Variants in FAT3 observed in about 807,000 individuals in gnomAD.
The protein encoded by FAT3 is FAT atypical cadherin 3.
Under a neutral mutation model 310.2 loss-of-function variants are expected in FAT3, and 95 were observed. That is an observed-to-expected ratio of 0.31 (90% CI 0.26 to 0.36). The LOEUF (loss-of-function observed/expected upper bound fraction) is 0.36, where lower values mean the gene tolerates loss of function less well. Among genes scored for constraint, FAT3 ranks in the 10% least tolerant of loss-of-function variants. The pLI, the probability that FAT3 is intolerant of heterozygous loss-of-function variation, is 1.00. For missense variants in FAT3, 5,408 were observed against 5,715.6 expected (o/e 0.95, Z 1.74); for synonymous variants, 2,314 against 2,192.9 (o/e 1.06, Z -1.54).
At chr11:92,449,139 C>T (rs1038376834) in intron 2 of FAT3, among the ~76,000 whole-genome samples, 3 of 152,088 alleles carry the variant, frequency 2.0e-5, no homozygotes, top group Non-Finnish European at 2.9e-5. Context: ...CTGAGGAGCC[C>T]GAGCAATGCC....
intron 1 of FAT3, among the ~76,000 whole-genome samples, chr11:92,231,634 G>A (rs1323245934): frequency 1.3e-5 from 2 of 152,126 alleles, no homozygotes; most frequent in Non-Finnish European, 2.9e-5. Context: ...GTCAAAAAGT[G>A]AGCACTCTGG....
chr11:92,646,535 A>G (rs947880470), intron 3 of FAT3, among the ~76,000 whole-genome samples: 7 of 152,216 alleles, frequency 4.6e-5, no homozygotes, highest in African/African-American at 1.7e-4. Context: ...CATACCAGCT[A>G]GTTGAAGGGA....
At chr11:92,337,009 G>A (rs1275360886) in intron 1 of FAT3, among the ~76,000 whole-genome samples, 1 of 152,160 alleles carries the variant, frequency 6.6e-6, no homozygotes, top group African/African-American at 2.4e-5. Flanking sequence ...GCCCTCAGAA[G>A]CATTGTTTTA....
At chr11:92,469,609 G>T (rs1256937222) in intron 2 of FAT3, among the ~76,000 whole-genome samples, 1 of 151,916 alleles carries the variant, frequency 6.6e-6, no homozygotes, top group Non-Finnish European at 1.5e-5. Flanking sequence ...CAGTCTCCTG[G>T]GTTCAAATGA....
At chr11:92,371,715 C>T (rs988836651) in intron 2 of FAT3, among the ~76,000 whole-genome samples, 4 of 152,036 alleles carry the variant, frequency 2.6e-5, no homozygotes, top group African/African-American at 9.7e-5. Flanking sequence ...GGACTCTGTA[C>T]ACCCCTCCCT....
chr11:92,832,050 G>C, intron 14 of FAT3, 39 bp downstream of exon 14: 1 of 1,494,198 alleles, frequency 6.7e-7, no homozygotes, highest in Non-Finnish European at 8.9e-7. Context: ...CAGAGCTTCA[G>C]CTTGGCACGG....
chr11:92,277,011 T>C (rs1946291780), intron 1 of FAT3, among the ~76,000 whole-genome samples: 1 of 152,110 alleles, frequency 6.6e-6, no homozygotes, highest in Admixed American at 6.6e-5. Context: ...AGCTGTAGCT[T>C]ATTTTTTAGT....
Position 92,317,113 on chromosome 11 carries a change from TG to T in FAT3, c.-17-34982del, listed in dbSNP as rs1474130983. 2.6e-5 allele frequency among the ~76,000 whole-genome samples: 4 copies of T among 152,292 alleles called. No homozygotes were observed. In the East Asian group the frequency reaches 7.7e-4, roughly 29 times the overall value. On this transcript the variant is annotated intron_variant, in intron 1 of 27. Transcript: ENST00000525166. ...AGGCAAGAATTATTTTGAGTGCAGC[TG>T]TCAGAATTAAAAATAAAGGAAAGAC...
chr11:92,433,280 ATG>A (rs922919017), intron 2 of FAT3, among the ~76,000 whole-genome samples: 1 of 152,054 alleles, frequency 6.6e-6, no homozygotes, highest in African/African-American at 2.4e-5. Flanking sequence ...CCACTGGGGT[ATG>A]AAAAAAAACT....
chr11:92,449,034 G>A (rs1479265855), intron 2 of FAT3, among the ~76,000 whole-genome samples: 2 of 152,206 alleles, frequency 1.3e-5, no homozygotes, highest in Middle Eastern at 3.4e-3. Flanking sequence ...CCAACATTTA[G>A]TGAAATCTCA....
chr11:92,338,657 CTGGGGTCTTGAT>C (rs1270276877), intron 1 of FAT3, among the ~76,000 whole-genome samples: 2 of 152,072 alleles, frequency 1.3e-5, no homozygotes, highest in African/African-American at 4.8e-5. Context: ...GATTAGTCTT[CTGGGGTCTTGAT>C]TTTGTTGGCA....
intron 3 of FAT3, among the ~76,000 whole-genome samples, chr11:92,610,654 G>A (rs1250943001): frequency 2.0e-5 from 3 of 152,102 alleles, no homozygotes; most frequent in Non-Finnish European, 2.9e-5. Context: ...ATCAGCTTGG[G>A]TTCCTTTTTA....
chr11:92,745,706 G>A (rs1281068127), intron 4 of FAT3, among the ~76,000 whole-genome samples: 3 of 152,136 alleles, frequency 2.0e-5, no homozygotes, highest in Non-Finnish European at 2.9e-5. Context: ...AATTGGTCAA[G>A]GATCTTTCTG....
chr11:92,522,118 C>T (rs1408217842), intron 2 of FAT3, among the ~76,000 whole-genome samples: 2 of 152,126 alleles, frequency 1.3e-5, no homozygotes, highest in African/African-American at 4.8e-5. Flanking sequence ...GACTGCAGAA[C>T]ATTTATTTTG....
chr11:92,667,560 GTCAAGA>G, intron 3 of FAT3, among the ~76,000 whole-genome samples: 1 of 152,212 alleles, frequency 6.6e-6, no homozygotes, highest in Non-Finnish European at 1.5e-5. Flanking sequence ...AGTGCTGACA[GTCAAGA>G]TCTTATTGAA....
At chr11:92,866,686 G>T in intron 21 of FAT3, 55 bp from the exon 22 acceptor site, 1 of 1,517,836 alleles carries the variant, frequency 6.6e-7, no homozygotes. Flanking sequence ...AGGGTGTAGG[G>T]AACATATTCC....
At chr11:92,652,395 T>A (rs1460618735) in intron 3 of FAT3, among the ~76,000 whole-genome samples, 2 of 152,264 alleles carry the variant, frequency 1.3e-5, no homozygotes, top group Non-Finnish European at 2.9e-5. Context: ...ACTGTTCTTT[T>A]AAGGCCATAA....
At chr11:92,227,421 T>C (rs573844611) in intron 1 of FAT3, among the ~76,000 whole-genome samples, 6 of 152,258 alleles carry the variant, frequency 3.9e-5, no homozygotes, top group Non-Finnish European at 8.8e-5. Context: ...CCAGAAAGAC[T>C]GCAGACGACT....
At chr11:92,868,146 G>A (rs7110126) in intron 22 of FAT3, among the ~76,000 whole-genome samples, 2 of 152,164 alleles carry the variant, frequency 1.3e-5, no homozygotes, top group Non-Finnish European at 1.5e-5. Flanking sequence ...GTGTCATTAG[G>A]AAATTTAAAC....
Sources: allele counts gnomAD v4.1 joint callset (sites outside exome capture counted in the v4.1 genomes callset), GRCh38; gene constraint gnomAD v4.1.1; transcripts MANE v1.5; gene names NCBI Gene and HGNC (gene_info 2026-07-23, HGNC 2026-07-21).